Variants in MTHFD1 observed in about 807,000 individuals in gnomAD.
The protein encoded by MTHFD1 is C-1-tetrahydrofolate synthase, cytoplasmic.
MTHFD1 carries 44 observed loss-of-function variants against 110.3 expected under a neutral mutation model. The observed-to-expected ratio is 0.40, with a 90% CI of 0.31 to 0.51. MTHFD1 has a LOEUF of 0.51. Ranked by LOEUF, MTHFD1 falls within the 20% of genes least tolerant of loss-of-function variation. The probability of loss-of-function intolerance (pLI) is 0.60; values close to 1 mark genes in which losing one functional copy is unlikely to be tolerated. For synonymous variants in MTHFD1, 402 were observed against 428.8 expected, an observed-to-expected ratio of 0.94 and a Z score of 0.77; for missense variants, 909 against 1,173.1, an observed-to-expected ratio of 0.77 and a Z score of 3.29.
At chr14:64,397,380 C>T (rs2077866481) in intron 1 of MTHFD1, among the ~76,000 whole-genome samples, 3 of 150,916 alleles carry the variant, frequency 2.0e-5, no homozygotes, top group African/African-American at 7.3e-5. Flanking sequence ...GCAACCTCTG[C>T]CTCCCGGGTT....
At chr14:64,457,856 T>G in intron 26 of MTHFD1, 1 of 346,182 alleles carries the variant, frequency 2.9e-6, no homozygotes, top group South Asian at 3.3e-5. Flanking sequence ...TGTTCTATCT[T>G]TATGCCTTGG....
At chr14:64,455,057 G>GTGGACCATCT in intron 26 of MTHFD1, 182 bp downstream of exon 26, 1 of 648,570 alleles carries the variant, frequency 1.5e-6, no homozygotes, top group Non-Finnish European at 2.8e-6. Context: ...AGCTCTTGCT[G>GTGGACCATCT]TGGACCATCT....
intron 1 of MTHFD1, among the ~76,000 whole-genome samples, chr14:64,397,886 T>C (rs1048865021): frequency 2.0e-5 from 3 of 152,238 alleles, no homozygotes; most frequent in Admixed American, 1.3e-4. Flanking sequence ...TGTTTTTTTC[T>C]CTGTCATAAC....
intron 8 of MTHFD1, among the ~76,000 whole-genome samples, chr14:64,421,816 G>A (rs1197793852): frequency 2.6e-5 from 4 of 151,888 alleles, no homozygotes; most frequent in Non-Finnish European, 4.4e-5. Context: ...TAGTAGAGAC[G>A]GGGTTTCACC....
In MTHFD1 at chr14:64,440,216, A is replaced by G. The variant is rs1292173628; in HGVS notation, c.1765A>G (p.Met589Val). ...LEDMRERLGK[M>V]VVASSKKGEP... The stretch of plus-strand genomic sequence containing the variant: ...AGACATGAGAGAGAGACTGGGCAAA[A>G]TGGTGGTGGCATCCAGTAAGAAAGG... The change falls in exon 18 of 28, where the codon ATG becomes GTG. Residue 589 changes from methionine (M) to valine (V), a missense_variant. Met to Val is a conservative substitution (Grantham distance 21). Around this residue, in one of 3 missense-constraint regions of MTHFD1, gnomAD observed 482 missense variants for 646.0 expected, o/e 0.75. Coordinates refer to ENST00000652337, the MANE Select transcript of MTHFD1 (RefSeq NM_005956.4). 6.2e-7 allele frequency: 1 copy of G among 1,614,170 alleles called. No homozygotes were observed. The highest frequency in any genetic ancestry group is 8.5e-7 in the Non-Finnish European group (1 of 1,180,032).
Position 64,418,352 on chromosome 14 carries a change from G to A in MTHFD1, c.615+328G>A, listed in dbSNP as rs190571632. Among the ~76,000 whole-genome samples, 314 of 151,168 alleles carry A rather than the reference G, an allele frequency of 2.1e-3. 3 individuals carry two copies. The highest frequency in any genetic ancestry group is 7.5e-3 in the African/African-American group (308 of 41,194). Reference sequence around the variant, plus strand: ...TGTAGTCCCAGCTACTCGGGAGGTTGAGGCAAGAGGATTGCTTGAGCCCAG... The same window carrying A: ...TGTAGTCCCAGCTACTCGGGAGGTTAAGGCAAGAGGATTGCTTGAGCCCAG... On this transcript the variant is annotated intron_variant, in intron 7 of 27. Transcript: ENST00000652337.
chr14:64,393,036 T>A (rs1210880049), intron 1 of MTHFD1, among the ~76,000 whole-genome samples: 1 of 152,244 alleles, frequency 6.6e-6, no homozygotes, highest in African/African-American at 2.4e-5. Flanking sequence ...TCTTGGTTAC[T>A]AAGTTAACAT....
chr14:64,421,846 C>A (rs1217925076), intron 8 of MTHFD1, among the ~76,000 whole-genome samples: 1 of 151,998 alleles, frequency 6.6e-6, no homozygotes, highest in Non-Finnish European at 1.5e-5. Context: ...AGGATGGTCT[C>A]GATCTCCTGA....
Position 64,415,454 on chromosome 14 carries a change from G to A in MTHFD1, c.337G>A (p.Glu113Lys). Reference protein sequence around the residue: ...LDSENSINTEEVINAIAPEKD... With the variant: ...LDSENSINTEKVINAIAPEKD... ...TTCAGAGAATTCCATTAACACTGAA[G>A]AAGTGATCAATGCTATTGCACCCGA... Residue 113 changes from glutamate to lysine, a missense_variant, in exon 5 of 28, where the codon GAA (glutamate) becomes AAA (lysine). Physicochemically the swap from Glu to Lys is moderately conservative, Grantham distance 56. This residue lies in a region of MTHFD1 where 424 missense variants were observed against 510.4 expected (regional missense o/e 0.83). Coordinates refer to ENST00000652337, the MANE Select transcript of MTHFD1 (RefSeq NM_005956.4). 1 of 1,614,082 alleles carries A rather than the reference G, an allele frequency of 6.2e-7. No homozygotes were observed. The highest frequency in any genetic ancestry group is 8.5e-7 in the Non-Finnish European group (1 of 1,179,914).
intron 16 of MTHFD1, among the ~76,000 whole-genome samples, chr14:64,436,336 C>T (rs1202566420): frequency 6.6e-6 from 1 of 152,122 alleles, no homozygotes; most frequent in Non-Finnish European, 1.5e-5. Context: ...CCTCATGATC[C>T]GCCCACCTCA....
chr14:64,424,767 C>G, intron 8 of MTHFD1, 37 bp from the exon 9 acceptor site: 1 of 1,611,892 alleles, frequency 6.2e-7, no homozygotes, highest in Non-Finnish European at 8.5e-7. Flanking sequence ...GACTGTGATT[C>G]TGAGACTTAG....
chr14:64,447,227 C>T (rs182949789), intron 22 of MTHFD1, among the ~76,000 whole-genome samples: 21 of 129,894 alleles, frequency 1.6e-4, no homozygotes, highest in Middle Eastern at 5.4e-3. Flanking sequence ...GCAATTTCAA[C>T]TCACTGCAAC....
intron 11 of MTHFD1, among the ~76,000 whole-genome samples, chr14:64,426,771 A>G (rs886365554): frequency 5.3e-5 from 8 of 152,252 alleles, no homozygotes; most frequent in African/African-American, 1.9e-4. Context: ...ACCCGGCCAG[A>G]ATCACCTTTT....
intron 1 of MTHFD1, among the ~76,000 whole-genome samples, chr14:64,390,037 A>C (rs973084999): frequency 1.3e-5 from 2 of 152,182 alleles, no homozygotes; most frequent in African/African-American, 4.8e-5. Context: ...GGGCAAATAC[A>C]TGTATTGTCT....
intron 8 of MTHFD1, among the ~76,000 whole-genome samples, chr14:64,420,675 C>G (rs899035336): frequency 6.6e-6 from 1 of 152,152 alleles, no homozygotes; most frequent in African/African-American, 2.4e-5. Context: ...GATCTATCCC[C>G]GTGCTCTCGC....
intron 2 of MTHFD1, among the ~76,000 whole-genome samples, chr14:64,405,300 C>T (rs946763235): frequency 6.6e-6 from 1 of 152,106 alleles, no homozygotes; most frequent in Non-Finnish European, 1.5e-5. Context: ...AAACTGACTT[C>T]CAACCTTGTT....
At chr14:64,401,719 A>C (rs2077898863) in intron 2 of MTHFD1, among the ~76,000 whole-genome samples, 1 of 151,616 alleles carries the variant, frequency 6.6e-6, no homozygotes, top group Non-Finnish European at 1.5e-5. Context: ...AAAAAAGAGA[A>C]ATTAGGAAGT....
chr14:64,403,134 A>G (rs2077911922), intron 2 of MTHFD1, among the ~76,000 whole-genome samples: 1 of 149,040 alleles, frequency 6.7e-6, no homozygotes, highest in Admixed American at 6.7e-5. Context: ...TTTTTTTTTG[A>G]GACGGAGTCT....
At chr14:64,398,166 A>G (rs1445791407) in intron 1 of MTHFD1, among the ~76,000 whole-genome samples, 1 of 151,690 alleles carries the variant, frequency 6.6e-6, no homozygotes, top group Non-Finnish European at 1.5e-5. Flanking sequence ...TCCCAGTTAA[A>G]AAAAAAAATT....
Sources: gnomAD v4.1 joint callset for allele counts (sites outside exome capture counted in the v4.1 genomes callset) on GRCh38, gnomAD v4.1.1 for gene constraint, gnomAD v4.1.1 regional missense constraint, MANE v1.5 for transcripts, NCBI Gene and HGNC (gene_info 2026-07-23, HGNC 2026-07-21) for gene names.